The following URI1 variants were observed in gnomAD, a reference collection of about 807,000 sequenced individuals.
The protein encoded by URI1 is URI1 prefoldin like chaperone.
URI1 carries 39 observed loss-of-function variants against 60.2 expected under a neutral mutation model. That is an observed-to-expected ratio of 0.65 (90% confidence interval 0.50 to 0.85). The LOEUF is 0.85. Among genes scored for constraint, URI1 ranks in the 40% least tolerant of loss-of-function variants. The pLI is 0.00. For missense variants in URI1, 691 were observed against 665.9 expected, an observed-to-expected ratio of 1.04 and a Z score of -0.42; for synonymous variants, 251 against 236.8, an observed-to-expected ratio of 1.06 and a Z score of -0.55.
rs2056085617 is a variant in URI1 at position 30,016,358 on chromosome 19, GTTC to G, written c.*1292_*1294del. 1.3e-5 allele frequency: 2 copies of G among 152,200 alleles called. No homozygotes were observed. The highest frequency in any genetic ancestry group is 6.5e-5 in the Admixed American group (1 of 15,284). 9.4% of individuals were successfully genotyped at this position (152,200 alleles called of 1,614,324 possible). A position where few individuals can be genotyped will look rare whatever the true frequency, so the allele number is the denominator to read the frequency against. Reference sequence around the variant, plus strand: ...AAAGATCACCTAAAAATGTAGATTTGTTCTTTAGTAAATTTAGATCAACTATGC... The same window carrying G: ...AAAGATCACCTAAAAATGTAGATTTGTTTAGTAAATTTAGATCAACTATGC... On this transcript the variant is annotated 3_prime_UTR_variant, in exon 11 of 11. Coordinates refer to ENST00000392271, the MANE Select transcript of URI1 (RefSeq NM_003796.3).
At chr19:29,968,791 T>G (rs2055422833) in intron 1 of URI1, among the ~76,000 whole-genome samples, 1 of 151,874 alleles carries the variant, frequency 6.6e-6, no homozygotes, top group Non-Finnish European at 1.5e-5. Flanking sequence ...CAGGATGGTC[T>G]CGATCTCCTG....
At chr19:29,946,428 T>C (rs1216769861) in intron 1 of URI1, among the ~76,000 whole-genome samples, 1 of 152,212 alleles carries the variant, frequency 6.6e-6, no homozygotes, top group African/African-American at 2.4e-5. Flanking sequence ...GCAGAACTAC[T>C]GAGATTTTAT....
At chr19:30,013,956 G>A (rs1455015266) in intron 10 of URI1, among the ~76,000 whole-genome samples, 15 of 151,322 alleles carry the variant, frequency 9.9e-5, no homozygotes, top group East Asian at 5.8e-4. Flanking sequence ...TAGGTGTTAC[G>A]TTGTTTTAAC....
Position 29,936,126 on chromosome 19 carries a change from T to C in URI1, c.63+12372T>C, listed in dbSNP as rs2054970394. Among the ~76,000 whole-genome samples, 5 of 152,100 alleles carry C rather than the reference T, an allele frequency of 3.3e-5. No homozygotes were observed. The South Asian group carries it at 1.0e-3, about 32-fold the overall frequency. On this transcript the variant is annotated intron_variant, in intron 1 of 10. Transcript: ENST00000360605. The stretch of plus-strand genomic sequence containing the variant: ...TTTTTGAGATGGAGTTTTGCTTTTT[T>C]AGAGTTTTGCTCTTGTGCCCAGGCT...
At chr19:30,002,890 T>A (rs376909796) in intron 4 of URI1, among the ~76,000 whole-genome samples, 37 of 152,004 alleles carry the variant, frequency 2.4e-4, no homozygotes, top group African/African-American at 7.7e-4. Flanking sequence ...AATTTCAGTG[T>A]GGTTTGAAAT....
chr19:29,970,779 C>T (rs2055449138), intron 1 of URI1, among the ~76,000 whole-genome samples: 1 of 152,022 alleles, frequency 6.6e-6, no homozygotes. Flanking sequence ...AATATTGTCA[C>T]TACAGTCATT....
At chr19:29,975,985 T>C (rs1340893307) in intron 2 of URI1, among the ~76,000 whole-genome samples, 3 of 152,246 alleles carry the variant, frequency 2.0e-5, no homozygotes, top group Non-Finnish European at 4.4e-5. Context: ...AGATTGTACC[T>C]GTTCATTTAA....
In URI1 at chr19:29,942,581, C is replaced by T. The variant is rs551935451; in HGVS notation, c.34C>T (p.Pro12Ser). The T allele has an allele frequency of 1.3e-5, 18 of 1,424,768 alleles. No individual in the cohort carries two copies. The African/African-American group carries it at 2.4e-4, about 19-fold the overall frequency. The allele number at this position is 1,424,768 out of a possible 1,614,324, so 88.3% of individuals were successfully genotyped here. The change falls in exon 1 of 11, where the codon CCC (proline) becomes TCC (serine). Residue 12 changes from proline to serine, a missense_variant. Pro to Ser is a moderately conservative substitution (Grantham distance 74, BLOSUM62 -1). Transcript: ENST00000392271. Reference sequence around the variant, plus strand: ...GCCCACCGTGGAGACGCCCCCCGACCCCTCGCCCCCTTCGGCCCCGGCCCC... The same window carrying T: ...GCCCACCGTGGAGACGCCCCCCGACTCCTCGCCCCCTTCGGCCCCGGCCCC... ...EAPTVETPPD[P>S]SPPSAPAPAL...
At position 30,015,523 on chromosome 19, in the gene URI1, ACTTCT is replaced by A. The variant is rs781110711; in HGVS notation, c.*458_*462del. 8 of 1,533,022 alleles carry A rather than the reference ACTTCT, an allele frequency of 5.2e-6. No individual in the cohort carries two copies. The highest frequency in any genetic ancestry group is 1.4e-5 in the African/African-American group (1 of 72,954). The allele number at this position is 1,533,022 out of a possible 1,614,324, so 95.0% of individuals were successfully genotyped here. ...TTTTAAAGGCACTTTAAAAAAATCTACTTCTCTTGTAGGTTTTGCGGCTAGTTGGC... is the reference window on the plus strand; with the variant it reads ...TTTTAAAGGCACTTTAAAAAAATCTACTTGTAGGTTTTGCGGCTAGTTGGC... On this transcript the variant is annotated 3_prime_UTR_variant, in exon 11 of 11. Coordinates refer to ENST00000392271, the MANE Select transcript of URI1 (RefSeq NM_003796.3).
chr19:30,006,867 C>T (rs162940), intron 6 of URI1, among the ~76,000 whole-genome samples: 9 of 152,086 alleles, frequency 5.9e-5, no homozygotes, highest in African/African-American at 2.2e-4. Context: ...CTTTTTTCCT[C>T]ACATGAAGAT....
chr19:29,994,899 G>A (rs1470659749), intron 4 of URI1, among the ~76,000 whole-genome samples: 1 of 151,670 alleles, frequency 6.6e-6, no homozygotes, highest in Admixed American at 6.6e-5. Flanking sequence ...TCCTGCCTCA[G>A]CCTCCTGAGT....
intron 7 of URI1, among the ~76,000 whole-genome samples, chr19:30,008,511 G>T (rs955613181): frequency 6.6e-5 from 10 of 151,914 alleles, no homozygotes; most frequent in Non-Finnish European, 1.5e-4. Context: ...ATCTTTTATA[G>T]AATCAAGTAT....
At chr19:30,001,095 C>T (rs2055872561) in intron 4 of URI1, among the ~76,000 whole-genome samples, 3 of 151,338 alleles carry the variant, frequency 2.0e-5, no homozygotes, top group African/African-American at 7.3e-5. Flanking sequence ...CATCTTTAAA[C>T]ATTTCCTCCA....
intron 4 of URI1, among the ~76,000 whole-genome samples, chr19:29,991,382 A>G (rs1187486198): frequency 6.6e-6 from 1 of 152,174 alleles, no homozygotes; most frequent in East Asian, 1.9e-4. Flanking sequence ...AAATGATGGC[A>G]TTTTAAAATC....
In URI1 at chr19:30,015,842, C is replaced by G. The variant is rs970751391; in HGVS notation, c.*773C>G. On this transcript the variant is annotated 3_prime_UTR_variant, in exon 11 of 11. Transcript: ENST00000392271. Reference sequence around the variant, plus strand: ...TTCTCCCTTAGTTTTTGCAGTTTCACTGGGATTATGTTTTGGGAAACAAGG... The same window carrying G: ...TTCTCCCTTAGTTTTTGCAGTTTCAGTGGGATTATGTTTTGGGAAACAAGG... The G allele has an allele frequency of 1.4e-5, 5 of 367,080 alleles. No homozygotes were observed. Among genetic ancestry groups the G allele is most frequent in the African/African-American group, 1.0e-4 (5 of 47,626 alleles). The allele number at this position is 367,080 out of a possible 1,614,324, so 22.7% of individuals were successfully genotyped here. A position where few individuals can be genotyped will look rare whatever the true frequency, so the allele number is the denominator to read the frequency against.
Position 30,009,226 on chromosome 19 carries a change from A to C in URI1, c.908A>C (p.Asp303Ala). 1 of 1,613,360 alleles carries C rather than the reference A, an allele frequency of 6.2e-7. No individual in the cohort carries two copies. Among genetic ancestry groups the C allele is most frequent in the Non-Finnish European group, 8.5e-7 (1 of 1,179,646 alleles). The change falls in exon 8 of 11, where the codon GAT becomes GCT. Residue 303 changes from aspartate to alanine, a missense_variant. Coordinates refer to ENST00000392271, the MANE Select transcript of URI1 (RefSeq NM_003796.3). ...SSSYHSDDDD[D>A]DDDDDDDDNI... Reference sequence around the variant, plus strand: ...TCTTACCACAGTGATGATGATGATGATGATGATGATGACGACGACGACGAC... The same window carrying C: ...TCTTACCACAGTGATGATGATGATGCTGATGATGATGACGACGACGACGAC...
At chr19:29,993,069 A>G (rs769271331) in intron 4 of URI1, among the ~76,000 whole-genome samples, 3 of 152,136 alleles carry the variant, frequency 2.0e-5, no homozygotes, top group Non-Finnish European at 2.9e-5. Flanking sequence ...TGACACATTT[A>G]TTTTATCTTA....
upstream of URI1, among the ~76,000 whole-genome samples, chr19:29,937,472 A>AT (rs1345465963): frequency 1.3e-5 from 2 of 152,148 alleles, no homozygotes; most frequent in East Asian, 3.9e-4. Flanking sequence ...TTTGGGTATT[A>AT]TTGTAGTAAC....
chr19:29,995,170 AG>A (rs959297125), intron 4 of URI1, among the ~76,000 whole-genome samples: 14 of 152,180 alleles, frequency 9.2e-5, no homozygotes, highest in African/African-American at 3.1e-4. Flanking sequence ...CAAGGAATCC[AG>A]TTTTCCCACA....
Sources: gnomAD v4.1 joint callset for allele counts (sites outside exome capture counted in the v4.1 genomes callset) on GRCh38, gnomAD v4.1.1 for gene constraint, MANE v1.5 for transcripts, NCBI Gene and HGNC (gene_info 2026-07-23, HGNC 2026-07-21) for gene names.